Variants in VRK1 observed in about 807,000 individuals in gnomAD.
The protein encoded by VRK1 is serine/threonine-protein kinase VRK1.
Under a neutral mutation model 57.1 loss-of-function variants are expected in VRK1, and 33 were observed. The ratio of observed to expected loss-of-function variants is 0.58; its 90% CI spans 0.44 to 0.77. The LOEUF is 0.77. Ranked by LOEUF, VRK1 falls within the 30% of genes least tolerant of loss-of-function variation. The pLI is 0.00. For missense variants in VRK1, 413 were observed against 477.3 expected (o/e 0.87, Z 1.25); for synonymous variants, 137 against 147.8 (o/e 0.93, Z 0.53).
At position 96,850,980 on chromosome 14, in the gene VRK1, A is replaced by G. The variant is rs145585676; in HGVS notation, c.375-1851A>G. Among the ~76,000 whole-genome samples the G allele has an allele frequency of 5.1e-3, 782 of 152,302 alleles. 2 individuals are homozygous for G. Among genetic ancestry groups the G allele is most frequent in the Non-Finnish European group, 7.3e-3 (495 of 68,028 alleles). ...TAATCATTACACACATCACCTATTT[A>G]GTAAAAGCCAACATGTATATGTGCC... is the stretch of plus-strand genomic sequence containing the variant. On this transcript the variant is annotated intron_variant, in intron 5 of 12. Transcript: ENST00000216639.
intron 10 of VRK1, chr14:96,858,858 A>C (rs913407560): frequency 4.6e-5 from 7 of 152,116 alleles, no homozygotes; most frequent in Admixed American, 3.9e-4. Context: ...CTACTTTGCT[A>C]TTCTTTGCCC....
chr14:96,854,696 G>A (rs1327688328), intron 7 of VRK1, among the ~76,000 whole-genome samples: 1 of 152,146 alleles, frequency 6.6e-6, no homozygotes, highest in African/African-American at 2.4e-5. Context: ...TCATTATTAT[G>A]ATGTATGAAA....
chr14:96,857,931 A>G (rs983355238), intron 10 of VRK1, among the ~76,000 whole-genome samples: 1 of 152,188 alleles, frequency 6.6e-6, no homozygotes, highest in African/African-American at 2.4e-5. Flanking sequence ...ATAGAAATGG[A>G]GTTAATACAG....
At chr14:96,856,020 A>G in intron 8 of VRK1, 110 bp from the exon 9 acceptor site, 3 of 1,334,792 alleles carry the variant, frequency 2.2e-6, no homozygotes, top group Non-Finnish European at 3.1e-6. Flanking sequence ...TTTTATGATG[A>G]AAAACAGACT....
rs1480828495 is a variant in VRK1 at position 96,881,253 on chromosome 14, A to G, written c.*45A>G. 4 of 1,543,592 alleles carry G rather than the reference A, an allele frequency of 2.6e-6. No individual in the cohort carries two copies. The highest frequency in any genetic ancestry group is 3.5e-6 in the Non-Finnish European group (4 of 1,132,142). On this transcript the variant is annotated 3_prime_UTR_variant, in exon 13 of 13. Coordinates refer to ENST00000216639, the MANE Select transcript of VRK1 (RefSeq NM_003384.3). ...ATTTCCTTTTCTTTGTTTTCTTTTG[A>G]CTTTTTTCTCCTTTTCTATTTGAAC...
intron 9 of VRK1, 130 bp downstream of exon 9, chr14:96,856,380 A>T: frequency 7.2e-7 from 1 of 1,385,692 alleles, no homozygotes. Flanking sequence ...GTTAAACAGT[A>T]AGGTTCCTTG....
chr14:96,808,207 C>T (rs1172859472), intron 1 of VRK1, among the ~76,000 whole-genome samples: 1 of 152,018 alleles, frequency 6.6e-6, no homozygotes, highest in Non-Finnish European at 1.5e-5. Flanking sequence ...GCTGGAGTGA[C>T]TCTGTGTTAA....
chr14:96,852,217 C>G (rs140810857), intron 5 of VRK1, among the ~76,000 whole-genome samples: 3 of 152,314 alleles, frequency 2.0e-5, no homozygotes, highest in African/African-American at 4.8e-5. Flanking sequence ...AGTAATGTGA[C>G]TCAGCCAAGG....
chr14:96,855,422 C>T (rs1237072711), intron 8 of VRK1, 66 bp downstream of exon 8: 2 of 1,608,798 alleles, frequency 1.2e-6, no homozygotes, highest in Admixed American at 3.3e-5. Flanking sequence ...CTACATAGTT[C>T]TTAATTATGC....
rs75289035 is a variant in VRK1, at chr14:96,807,669, A to G, written c.-6+10222A>G. 6.4e-4 allele frequency among the ~76,000 whole-genome samples: 97 copies of G among 152,278 alleles called. 1 individual carries two copies. The East Asian group carries it at 0.014, about 22-fold the overall frequency. Reference sequence around the variant, plus strand: ...TGACCACATCATACATTGAACATAAAGTTGAATAAAATCCCTGCATCTATC... The same window carrying G: ...TGACCACATCATACATTGAACATAAGGTTGAATAAAATCCCTGCATCTATC... On this transcript the variant is annotated intron_variant, in intron 1 of 12. Coordinates refer to ENST00000216639, the MANE Select transcript of VRK1 (RefSeq NM_003384.3).
At chr14:96,863,424 T>C (rs1010603738) in intron 11 of VRK1, among the ~76,000 whole-genome samples, 1 of 152,176 alleles carries the variant, frequency 6.6e-6, no homozygotes, top group Non-Finnish European at 1.5e-5. Flanking sequence ...CTTAAAGAAT[T>C]CCTTCCTGTT....
chr14:96,881,213 G>T lies in VRK1; in HGVS notation c.*5G>T, dbSNP rs751433703. ...AGAAAGAGAGTCCAGAAGTAATTCA[G>T]ATGCTGTGAACCAGATTTCCTTTTC... On this transcript the variant is annotated 3_prime_UTR_variant, in exon 13 of 13. Transcript: ENST00000216639. 1 of 1,602,858 alleles carries T rather than the reference G, an allele frequency of 6.2e-7. No individual in the cohort carries two copies. The highest frequency in any genetic ancestry group is 1.1e-5 in the South Asian group (1 of 89,420).
At chr14:96,827,769 G>A (rs1886856057) in intron 1 of VRK1, among the ~76,000 whole-genome samples, 2 of 151,194 alleles carry the variant, frequency 1.3e-5, no homozygotes, top group South Asian at 4.2e-4. Context: ...TTAATTGATT[G>A]TTTGTTTTCT....
chr14:96,812,024 C>T (rs554173905), intron 1 of VRK1, among the ~76,000 whole-genome samples: 5 of 152,286 alleles, frequency 3.3e-5, no homozygotes, highest in South Asian at 2.1e-4. Flanking sequence ...GGAAATTTTA[C>T]GTAATTGGAA....
chr14:96,808,014 C>CATCTCTCCCTCTCTCCCTCTCT (rs1885962752), intron 1 of VRK1, among the ~76,000 whole-genome samples: 1 of 73,960 alleles, frequency 1.4e-5, no homozygotes, highest in African/African-American at 6.1e-5. Flanking sequence ...TCTCTCTCTC[C>CATCTCTCCCTCTCTCCCTCTCT]CTCTGTGTGT....
At chr14:96,798,405 T>G (rs1360504814) in intron 1 of VRK1, among the ~76,000 whole-genome samples, 1 of 152,208 alleles carries the variant, frequency 6.6e-6, no homozygotes, top group East Asian at 1.9e-4. Context: ...CTGATGTCCT[T>G]TCTTTCAAGT....
In VRK1 at chr14:96,860,659, T is replaced by C. The variant is rs758675611; in HGVS notation, c.992T>C (p.Ile331Thr). The C allele has an allele frequency of 6.2e-7, 1 of 1,613,264 alleles. No individual in the cohort carries two copies. Among genetic ancestry groups the C allele is most frequent in the Non-Finnish European group, 8.5e-7 (1 of 1,179,546 alleles). Residue 331 changes from isoleucine (I) to threonine (T), a missense_variant, in exon 11 of 13, where the codon ATA becomes ACA. By Grantham distance (89) the Ile-to-Thr change is moderately conservative. This residue lies in a region of VRK1 where 146 missense variants were observed against 138.2 expected (regional missense o/e 1.06). Coordinates refer to ENST00000216639, the MANE Select transcript of VRK1 (RefSeq NM_003384.3). ...ATTCTTTTGCAAGGACTAAAAGCTA[T>C]AGGAAGTAAGGATGATGGCAAATTG... is the stretch of plus-strand genomic sequence containing the variant. Reference protein sequence around the residue: ...RDILLQGLKAIGSKDDGKLDL... With the variant: ...RDILLQGLKATGSKDDGKLDL...
At chr14:96,804,978 T>C (rs1331749075) in intron 1 of VRK1, among the ~76,000 whole-genome samples, 1 of 152,216 alleles carries the variant, frequency 6.6e-6, no homozygotes, top group East Asian at 1.9e-4. Context: ...GTAGTTTCCG[T>C]TGGCTCATTG....
intron 3 of VRK1, among the ~76,000 whole-genome samples, chr14:96,842,223 A>G (rs1213447202): frequency 3.3e-5 from 5 of 152,088 alleles, no homozygotes; most frequent in Admixed American, 6.6e-5. Flanking sequence ...TCCTCATGTC[A>G]TTCACTTTCC....
Sources: allele counts gnomAD v4.1 joint callset (sites outside exome capture counted in the v4.1 genomes callset), GRCh38; gene constraint gnomAD v4.1.1; regional missense constraint gnomAD v4.1.1; transcripts MANE v1.5; gene names NCBI Gene and HGNC (gene_info 2026-07-23, HGNC 2026-07-21).